The following TULP4 variants were observed in gnomAD, a reference collection of about 807,000 sequenced individuals.
TULP4 encodes tubby-related protein 4.
In TULP4, 16 loss-of-function variants were observed where a neutral mutation model predicts 129.0. That is an observed-to-expected ratio of 0.12 (90% confidence interval 0.08 to 0.19). The LOEUF is 0.19. Among genes scored for constraint, TULP4 ranks in the 10% least tolerant of loss-of-function variants. The probability of loss-of-function intolerance (pLI) is 1.00; values close to 1 mark genes in which losing one functional copy is unlikely to be tolerated. For missense variants in TULP4, 1,842 were observed against 2,059.1 expected (o/e 0.89, Z 2.04); for synonymous variants, 998 against 854.0 (o/e 1.17, Z -2.94).
upstream of TULP4, among the ~76,000 whole-genome samples, chr6:158,307,987 T>G (rs1562513386): frequency 6.6e-6 from 1 of 151,802 alleles, no homozygotes; most frequent in African/African-American, 2.4e-5. Flanking sequence ...AAAGCTCAGT[T>G]TTTCTTTTCT....
At chr6:158,450,263 A>G (rs564429970) in intron 4 of TULP4, among the ~76,000 whole-genome samples, 36 of 152,286 alleles carry the variant, frequency 2.4e-4, no homozygotes, top group African/African-American at 7.7e-4. Flanking sequence ...CAAAGGGCAC[A>G]GTGGGTGCTT....
At chr6:158,290,924 C>G (rs1583708838) in intron 1 of TULP4, among the ~76,000 whole-genome samples, 1 of 152,328 alleles carries the variant, frequency 6.6e-6, no homozygotes, top group East Asian at 1.9e-4. Context: ...TAGTGTCGGG[C>G]AAGCATTTAA....
chr6:158,319,751 T>C (rs1779582849), intron 1 of TULP4, among the ~76,000 whole-genome samples: 1 of 152,226 alleles, frequency 6.6e-6, no homozygotes, highest in Non-Finnish European at 1.5e-5. Context: ...CTGTGATAAA[T>C]GTTTGTCTAG....
At chr6:158,479,092 T>C (rs974721645) in intron 6 of TULP4, among the ~76,000 whole-genome samples, 4 of 152,152 alleles carry the variant, frequency 2.6e-5, no homozygotes, top group Non-Finnish European at 5.9e-5. Flanking sequence ...CTAGGGGTTA[T>C]GGATAGTCCC....
intron 1 of TULP4, among the ~76,000 whole-genome samples, chr6:158,404,195 A>G (rs1320824627): frequency 6.6e-6 from 1 of 152,224 alleles, no homozygotes. Flanking sequence ...ACTGCAATAC[A>G]GATCAGCTTT....
chr6:158,292,922 G>T (rs1042119700), intron 1 of TULP4, among the ~76,000 whole-genome samples: 1 of 152,100 alleles, frequency 6.6e-6, no homozygotes, highest in Non-Finnish European at 1.5e-5. Flanking sequence ...ATTTCTTTCA[G>T]ACTTCGTTGC....
At chr6:158,462,747 C>CCTT (rs1363763623) in intron 6 of TULP4, among the ~76,000 whole-genome samples, 10 of 127,856 alleles carry the variant, frequency 7.8e-5, no homozygotes, top group African/African-American at 2.7e-4. Flanking sequence ...TTTTTTTTTC[C>CCTT]TTTTTTTTTT....
Position 158,502,520 on chromosome 6 carries a change from A to G in TULP4, c.2857A>G (p.Ile953Val), listed in dbSNP as rs1394346413. 3 of 1,611,346 alleles carry G rather than the reference A, an allele frequency of 1.9e-6. No homozygotes were observed. The highest frequency in any genetic ancestry group is 1.1e-5 in the South Asian group (1 of 91,010). The change falls in exon 13 of 14, where the codon ATC (isoleucine) becomes GTC (valine). Residue 953 changes from isoleucine to valine, a missense_variant. Transcript: ENST00000367097. ...CCGCCTGACCGTCCCTCGCTACTCC[A>G]TCCCCACCGGGGACCCACCCCCGTA... The part of the protein sequence containing the change: ...LNRLTVPRYS[I>V]PTGDPPPYPE...
At chr6:158,475,975 T>A (rs1036879538) in intron 6 of TULP4, among the ~76,000 whole-genome samples, 1 of 152,154 alleles carries the variant, frequency 6.6e-6, no homozygotes, top group African/African-American at 2.4e-5. Flanking sequence ...TCCTGAGAAG[T>A]CATACCCTGC....
Position 158,503,372 on chromosome 6 carries a change from T to C in TULP4, c.3709T>C (p.Tyr1237His). The change falls in exon 13 of 14, where the codon TAT (tyrosine) becomes CAT (histidine). Residue 1237 changes from tyrosine (Y) to histidine (H), a missense_variant. By Grantham distance (83) the Tyr-to-His change is moderately conservative. This residue lies in a region of TULP4 where 1,089 missense variants were observed against 987.1 expected (regional missense o/e 1.10). Transcript: ENST00000367097. This position sits in a 1 kb window ranked among gnomAD's most constrained non-coding sequence, Gnocchi z 4.3. ...GCCGCTGTACCCACCCAGCCTCTCCTATTGCACCCTGCCCCCCATGTACCC... is the reference window on the plus strand; with the variant it reads ...GCCGCTGTACCCACCCAGCCTCTCCCATTGCACCCTGCCCCCCATGTACCC... The part of the protein sequence containing the change: ...LQPLYPPSLS[Y>H]CTLPPMYPGS... 1 of 1,613,826 alleles carries C rather than the reference T, an allele frequency of 6.2e-7. No homozygotes were observed. The highest frequency in any genetic ancestry group is 8.5e-7 in the Non-Finnish European group (1 of 1,179,996).
chr6:158,332,177 AAAAAAAAAAAAAAAAAAAAAAAAAT>A (rs1193362669), intron 1 of TULP4, among the ~76,000 whole-genome samples: 1 of 61,494 alleles, frequency 1.6e-5, no homozygotes, highest in Non-Finnish European at 2.9e-5. Context: ...GTCAAAAAAA[AAAAAAAAAAAAAAAAAAAAAAAAAT>A]ATATATATAT....
intron 1 of TULP4, among the ~76,000 whole-genome samples, chr6:158,259,987 G>T (rs1778321749): frequency 6.6e-6 from 1 of 152,226 alleles, no homozygotes; most frequent in South Asian, 2.1e-4. Context: ...TTTGAGCTCA[G>T]GTGTTTATCG....
chr6:158,261,694 T>C (rs1166059468), intron 1 of TULP4, among the ~76,000 whole-genome samples: 2 of 152,154 alleles, frequency 1.3e-5, no homozygotes, highest in Non-Finnish European at 2.9e-5. Flanking sequence ...ACAAAATGAA[T>C]GTTGACTGTT....
chr6:158,433,339 T>C (rs965020440), intron 3 of TULP4, among the ~76,000 whole-genome samples: 5 of 152,228 alleles, frequency 3.3e-5, no homozygotes, highest in African/African-American at 1.2e-4. Context: ...AAAGGTAACA[T>C]ATTCTTTACT....
At chr6:158,468,281 C>G (rs373842119) in intron 6 of TULP4, among the ~76,000 whole-genome samples, 1 of 152,174 alleles carries the variant, frequency 6.6e-6, no homozygotes, top group Non-Finnish European at 1.5e-5. Flanking sequence ...AGGTAAACTA[C>G]GCTGCCTTTC....
At position 158,501,972 on chromosome 6, in the gene TULP4, C is replaced by T. The variant is rs1361729360; in HGVS notation, c.2309C>T (p.Pro770Leu). The change falls in exon 13 of 14, where the codon CCC (proline) becomes CTC (leucine). Residue 770 changes from proline to leucine, a missense_variant. Coordinates refer to ENST00000367097, the MANE Select transcript of TULP4 (RefSeq NM_020245.5). Reference protein sequence around the residue: ...SVEMGRIIQNPPPLSLPPPPQ... With the variant: ...SVEMGRIIQNLPPLSLPPPPQ... Reference sequence around the variant, plus strand: ...GAAATGGGCCGCATCATTCAGAACCCCCCTCCACTGTCCCTGCCTCCCCCG... The same window carrying T: ...GAAATGGGCCGCATCATTCAGAACCTCCCTCCACTGTCCCTGCCTCCCCCG... 3.1e-6 allele frequency: 5 copies of T among 1,613,714 alleles called. No individual in the cohort carries two copies. Among genetic ancestry groups the T allele is most frequent in the Middle Eastern group, 3.3e-4 (2 of 6,062 alleles).
At chr6:158,385,474 C>A (rs1212822300) in intron 1 of TULP4, among the ~76,000 whole-genome samples, 1 of 152,138 alleles carries the variant, frequency 6.6e-6, no homozygotes, top group South Asian at 2.1e-4. Flanking sequence ...TCCTGGCTTT[C>A]AGGCGAATAA....
chr6:158,318,304 C>T (rs974148166), intron 1 of TULP4, among the ~76,000 whole-genome samples: 1 of 152,096 alleles, frequency 6.6e-6, no homozygotes, highest in African/African-American at 2.4e-5. Context: ...TACTCTCCCC[C>T]ACCCACCGCA....
intron 1 of TULP4, among the ~76,000 whole-genome samples, chr6:158,346,609 A>G (rs1780318527): frequency 6.6e-6 from 1 of 152,212 alleles, no homozygotes; most frequent in African/African-American, 2.4e-5. Flanking sequence ...CTTATCAAAT[A>G]AAAAAAGCAT....
Sources: allele counts gnomAD v4.1 joint callset (sites outside exome capture counted in the v4.1 genomes callset), GRCh38; gene constraint gnomAD v4.1.1; regional missense constraint gnomAD v4.1.1; non-coding constraint Gnocchi (gnomAD v3.1); transcripts MANE v1.5; gene names NCBI Gene and HGNC (gene_info 2026-07-23, HGNC 2026-07-21).